TTLL11: variants seen among roughly 807,000 people sequenced by gnomAD.
TTLL11 encodes the protein tubulin polyglutamylase TTLL11.
Under a neutral mutation model 51.7 loss-of-function variants are expected in TTLL11, and 42 were observed. That is an observed-to-expected ratio of 0.81 (90% confidence interval 0.64 to 1.05). The LOEUF (loss-of-function observed/expected upper bound fraction) is 1.05, where lower values mean the gene tolerates loss of function less well. TTLL11 is among the 50% of genes least tolerant of loss of function. The pLI is 0.00. For synonymous variants in TTLL11, 381 were observed against 383.5 expected (o/e 0.99, Z 0.08); for missense variants, 799 against 940.4 (o/e 0.85, Z 1.97).
rs534165476 is a variant in TTLL11, at chr9:122,018,402, G to A, written c.693+13321C>T. Reference sequence around the variant, plus strand: ...GCTGGGATTACAGGCATGAGCCACCGCGCCCGGCCAGTAATAATGCCATAT... The same window carrying A: ...GCTGGGATTACAGGCATGAGCCACCACGCCCGGCCAGTAATAATGCCATAT... On this transcript the variant is annotated intron_variant, in intron 3 of 8. Coordinates refer to ENST00000321582, the MANE Select transcript of TTLL11 (RefSeq NM_001139442.2). Among the ~76,000 whole-genome samples, 8 of 152,216 alleles carry A rather than the reference G, an allele frequency of 5.3e-5. No individual in the cohort carries two copies. The South Asian group carries it at 1.2e-3, about 24-fold the overall frequency.
chr9:122,060,876 G>A (rs1381782292), intron 1 of TTLL11, among the ~76,000 whole-genome samples: 3 of 152,186 alleles, frequency 2.0e-5, no homozygotes, highest in African/African-American at 7.2e-5. Context: ...GTATTCCTGG[G>A]GTATGGGAGA....
chr9:121,846,847 CT>C (rs1224560507), intron 8 of TTLL11, among the ~76,000 whole-genome samples: 1 of 152,162 alleles, frequency 6.6e-6, no homozygotes, highest in Non-Finnish European at 1.5e-5. Context: ...AATCAATAAG[CT>C]TCCATTTTAG....
At chr9:121,861,930 G>A (rs942851177) in intron 7 of TTLL11, among the ~76,000 whole-genome samples, 1 of 152,202 alleles carries the variant, frequency 6.6e-6, no homozygotes, top group Non-Finnish European at 1.5e-5. Context: ...AACAGCACAG[G>A]CTGGGTCCTT....
At chr9:122,076,534 T>C (rs914817599) in intron 1 of TTLL11, among the ~76,000 whole-genome samples, 1 of 152,178 alleles carries the variant, frequency 6.6e-6, no homozygotes, top group African/African-American at 2.4e-5. Flanking sequence ...TATCCAAGTA[T>C]GGAGTCAGAA....
intron 8 of TTLL11, among the ~76,000 whole-genome samples, chr9:121,837,178 G>C (rs186429925): frequency 6.7e-6 from 1 of 149,310 alleles, no homozygotes; most frequent in African/African-American, 2.5e-5. Context: ...CCTACTAATG[G>C]ACACTTAGGA....
chr9:122,028,073 TA>T (rs1386351161), intron 3 of TTLL11, among the ~76,000 whole-genome samples: 2 of 152,276 alleles, frequency 1.3e-5, no homozygotes, highest in South Asian at 2.1e-4. Flanking sequence ...TGTGGTAAGT[TA>T]AAGATGCATT....
At chr9:121,838,781 A>AAAGCAAGCAAGCAAGC (rs55715366) in intron 8 of TTLL11, among the ~76,000 whole-genome samples, 5,199 of 139,934 alleles carry the variant, frequency 0.037, 118 homozygotes, top group South Asian at 0.077. Context: ...AGCAAGCAAG[A>AAAGCAAGCAAGCAAGC]AAGCAAGCAA....
At chr9:121,871,937 G>C (rs575081327) in intron 6 of TTLL11, among the ~76,000 whole-genome samples, 2 of 152,338 alleles carry the variant, frequency 1.3e-5, no homozygotes, top group South Asian at 4.1e-4. Context: ...TCGGGATCTG[G>C]GGCCAGGCGT....
Position 122,092,867 on chromosome 9 carries a change from C to T in TTLL11, c.282G>A (p.Lys94=), listed in dbSNP as rs759627657. Residue 94 remains lysine, a synonymous_variant, in exon 1 of 9, where the codon AAG becomes AAA. Transcript: ENST00000321582. The part of the protein sequence containing the change: ...PPPTLPPSKP[K]PVQGLCPHGK... ...CGTGCGGGCAGAGGCCCTGCACCGG[C>T]TTCGGCTTGGACGGGGGCAGCGTGG... 86 of 1,572,596 alleles carry T rather than the reference C, an allele frequency of 5.5e-5. 2 individuals are homozygous for T. The Middle Eastern group carries it at 1.4e-3, about 26-fold the overall frequency.
chr9:122,013,135 G>A (rs1282091194), intron 3 of TTLL11, among the ~76,000 whole-genome samples: 1 of 152,190 alleles, frequency 6.6e-6, no homozygotes, highest in African/African-American at 2.4e-5. Context: ...TGAGGAAATT[G>A]AGGCTCAGAG....
At chr9:122,055,282 G>A (rs1026048190) in intron 1 of TTLL11, among the ~76,000 whole-genome samples, 1 of 151,998 alleles carries the variant, frequency 6.6e-6, no homozygotes, top group African/African-American at 2.4e-5. Context: ...ATGATCACAA[G>A]GTCCCACAAT....
At chr9:122,015,607 C>T (rs1284593064) in intron 3 of TTLL11, among the ~76,000 whole-genome samples, 2 of 151,964 alleles carry the variant, frequency 1.3e-5, no homozygotes, top group African/African-American at 2.4e-5. Context: ...CGTGTGAGGG[C>T]GATGTGTGTG....
chr9:121,960,261 T>C (rs998238937), intron 6 of TTLL11, among the ~76,000 whole-genome samples: 20 of 152,212 alleles, frequency 1.3e-4, no homozygotes, highest in Non-Finnish European at 2.1e-4. Context: ...TCAATATCCA[T>C]GCACGAAGCT....
At chr9:122,029,944 C>T (rs910796718) in intron 3 of TTLL11, among the ~76,000 whole-genome samples, 1 of 152,118 alleles carries the variant, frequency 6.6e-6, no homozygotes, top group African/African-American at 2.4e-5. Flanking sequence ...AATATTAAGT[C>T]CAGTACCATG....
At position 122,093,077 on chromosome 9, in the gene TTLL11, C is replaced by A. The variant is rs1846312907; in HGVS notation, c.72G>T (p.Ala24=). 5.3e-6 allele frequency: 8 copies of A among 1,505,126 alleles called. No homozygotes were observed. Among genetic ancestry groups the A allele is most frequent in the Non-Finnish European group, 7.1e-6 (8 of 1,134,334 alleles). 93.2% of individuals were successfully genotyped at this position (1,505,126 alleles called of 1,614,324 possible). The change falls in exon 1 of 9, where the codon GCG becomes GCT. Residue 24 remains alanine, a synonymous_variant. Transcript: ENST00000321582. ...WEAEAVAAAK[A]AAKAEAEATA... Reference sequence around the variant, plus strand: ...TGGCCTCGGCCTCAGCTTTGGCCGCCGCTTTGGCCGCAGCCACCGCCTCCG... The same window carrying A: ...TGGCCTCGGCCTCAGCTTTGGCCGCAGCTTTGGCCGCAGCCACCGCCTCCG...
intron 4 of TTLL11, among the ~76,000 whole-genome samples, chr9:121,986,616 TG>T (rs1234875299): frequency 5.9e-5 from 9 of 152,302 alleles, no homozygotes; most frequent in Admixed American, 2.0e-4. Context: ...GACAGATTTC[TG>T]GGTGGCAATT....
chr9:122,077,989 G>A (rs926478988), intron 1 of TTLL11, among the ~76,000 whole-genome samples: 15 of 152,096 alleles, frequency 9.9e-5, no homozygotes, highest in African/African-American at 3.4e-4. Context: ...AATAACCCAT[G>A]GGTCAAGGAA....
chr9:122,036,242 C>T (rs908944055), intron 2 of TTLL11, among the ~76,000 whole-genome samples: 1 of 151,942 alleles, frequency 6.6e-6, no homozygotes, highest in Non-Finnish European at 1.5e-5. Flanking sequence ...AGATGGCTGT[C>T]CCCACAGGTT....
intron 6 of TTLL11, among the ~76,000 whole-genome samples, chr9:121,913,153 C>T (rs1395925022): frequency 2.0e-5 from 3 of 152,184 alleles, no homozygotes; most frequent in Non-Finnish European, 4.4e-5. Flanking sequence ...CCATGACTCC[C>T]TTTTTGTTTG....
Sources: gnomAD v4.1 joint callset for allele counts (sites outside exome capture counted in the v4.1 genomes callset) on GRCh38, gnomAD v4.1.1 for gene constraint, MANE v1.5 for transcripts, NCBI Gene and HGNC (gene_info 2026-07-23, HGNC 2026-07-21) for gene names.